HUS1: variants seen among roughly 807,000 people sequenced by gnomAD.
HUS1 encodes checkpoint protein HUS1.
Under a neutral mutation model 32.6 loss-of-function variants are expected in HUS1, and 31 were observed. The observed-to-expected ratio is 0.95, with a 90% confidence interval of 0.72 to 1.28. HUS1 has a LOEUF of 1.28. Among genes scored for constraint, HUS1 ranks in the 50% most tolerant of loss-of-function variants. HUS1 has a pLI of 0.00. For synonymous variants in HUS1, 123 were observed against 116.6 expected (o/e 1.06, Z -0.36); for missense variants, 340 against 337.7 (o/e 1.01, Z -0.05).
In HUS1 at chr7:47,963,873, C is replaced by G. The variant is rs1272381682; in HGVS notation, c.*1483G>C. ...GTAAGCCAAGATCGCGCCACTAGCA[C>G]TCCAGACTGGCGACAGAGTGAGACT... is the stretch of plus-strand genomic sequence containing the variant. On this transcript the variant is annotated 3_prime_UTR_variant, in exon 8 of 8. Coordinates refer to ENST00000258774, the MANE Select transcript of HUS1 (RefSeq NM_004507.4). The G allele has an allele frequency of 6.6e-6, 1 of 151,754 alleles. No individual in the cohort carries two copies. Among genetic ancestry groups the G allele is most frequent in the East Asian group, 1.9e-4 (1 of 5,184 alleles). 9.4% of individuals were successfully genotyped at this position (151,754 alleles called of 1,614,324 possible). A position where few individuals can be genotyped will look rare whatever the true frequency, so the allele number is the denominator to read the frequency against.
At chr7:47,974,650 G>T (rs1279323388) in intron 5 of HUS1, among the ~76,000 whole-genome samples, 1 of 152,114 alleles carries the variant, frequency 6.6e-6, no homozygotes, top group Non-Finnish European at 1.5e-5. Flanking sequence ...ACATAACCAA[G>T]GGTGTTTTTT....
intron 5 of HUS1, chr7:47,971,362 G>C (rs998405850): frequency 1.0e-5 from 4 of 386,046 alleles, no homozygotes; most frequent in Non-Finnish European, 2.1e-5. Context: ...CAGGCTACCA[G>C]ACTTCTGCCA....
At chr7:47,979,301 C>T in intron 1 of HUS1, 167 bp downstream of exon 1, 1 of 282,482 alleles carries the variant, frequency 3.5e-6, no homozygotes, top group South Asian at 2.8e-5. Flanking sequence ...CCCGCGCCCT[C>T]CCGGCCCCAC....
chr7:47,970,506 A>G (rs1788577138), intron 5 of HUS1, among the ~76,000 whole-genome samples: 1 of 152,164 alleles, frequency 6.6e-6, no homozygotes, highest in Non-Finnish European at 1.5e-5. Flanking sequence ...AAACAGAAAC[A>G]AAGAGTTAAA....
intron 4 of HUS1, 83 bp downstream of exon 4, chr7:47,976,647 C>T (rs1562590555): frequency 4.9e-6 from 4 of 813,194 alleles, no homozygotes; most frequent in Non-Finnish European, 6.5e-6. Context: ...ATAAAATATA[C>T]TGCAAGACTA....
chr7:47,972,274 A>G (rs1216429459), intron 5 of HUS1, among the ~76,000 whole-genome samples: 1 of 151,942 alleles, frequency 6.6e-6, no homozygotes, highest in African/African-American at 2.4e-5. Flanking sequence ...TAAATAAATA[A>G]ATACTTATTT....
chr7:47,972,214 A>C (rs1333119334), intron 5 of HUS1, among the ~76,000 whole-genome samples: 1 of 152,248 alleles, frequency 6.6e-6, no homozygotes, highest in Non-Finnish European at 1.5e-5. Flanking sequence ...ACAACCACAC[A>C]CCCAAGATCT....
In HUS1 at chr7:47,967,802, T is replaced by TCA. The variant is rs1327001791; in HGVS notation, c.760+2_760+3dup. 1 of 1,609,424 alleles carries TCA rather than the reference T, an allele frequency of 6.2e-7. No individual in the cohort carries two copies. Among genetic ancestry groups the TCA allele is most frequent in the Non-Finnish European group, 8.5e-7 (1 of 1,177,948 alleles). On this transcript the variant is annotated splice_donor_region_variant and intron_variant, in intron 7 of 7. Transcript: ENST00000258774. ...TGAAAAACAAAACAGAGAAGCACAC[T>TCA]CACTGCATAAGGCCTTTGTGGGATT...
At chr7:47,970,930 T>TA (rs1788586250) in intron 5 of HUS1, among the ~76,000 whole-genome samples, 1 of 152,222 alleles carries the variant, frequency 6.6e-6, no homozygotes, top group Non-Finnish European at 1.5e-5. Flanking sequence ...AGTGATATGC[T>TA]AGAGAATAGG....
intron 5 of HUS1, among the ~76,000 whole-genome samples, chr7:47,972,649 T>C (rs1055936064): frequency 8.0e-6 from 1 of 124,970 alleles, no homozygotes; most frequent in Non-Finnish European, 1.8e-5. Context: ...AAATTATCTC[T>C]AAATTTTTAA....
Position 47,963,530 on chromosome 7 carries a change from A to G in HUS1, c.*1826T>C, listed in dbSNP as rs956916740. ...TGCAGCTGGAATTAATTTCGTTACA[A>G]TGAGAGGAGGAAGGGTTTAAAAATT... On this transcript the variant is annotated 3_prime_UTR_variant, in exon 8 of 8. Coordinates refer to ENST00000258774, the MANE Select transcript of HUS1 (RefSeq NM_004507.4). The G allele has an allele frequency of 6.6e-6, 1 of 152,204 alleles. No homozygotes were observed. The highest frequency in any genetic ancestry group is 2.4e-5 in the African/African-American group (1 of 41,442). 9.4% of individuals were successfully genotyped at this position (152,204 alleles called of 1,614,324 possible). A position where few individuals can be genotyped will look rare whatever the true frequency, so the allele number is the denominator to read the frequency against.
intron 5 of HUS1, chr7:47,971,487 A>C (rs1040284761): frequency 1.8e-5 from 8 of 456,582 alleles, no homozygotes; most frequent in Admixed American, 2.3e-5. Flanking sequence ...CCACCCCAAC[A>C]ACCAATCAGT....
intron 7 of HUS1, among the ~76,000 whole-genome samples, chr7:47,967,306 G>C (rs1788498399): frequency 6.6e-6 from 1 of 152,162 alleles, no homozygotes; most frequent in African/African-American, 2.4e-5. Context: ...GGCCCAGCCA[G>C]AATCAAGAGG....
rs199643634 is a variant in HUS1 at position 47,968,763 on chromosome 7, G to GT, written c.640+455dup. On this transcript the variant is annotated intron_variant, in intron 6 of 7. Transcript: ENST00000258774. ...TGACTCTATCGTCCCTTATTACCTT[G>GT]TATGAGATAAGAAATGTGATCAAGT... is the stretch of plus-strand genomic sequence containing the variant. 34 of 157,968 alleles carry GT rather than the reference G, an allele frequency of 2.2e-4. No individual in the cohort carries two copies. In the East Asian group the frequency reaches 6.1e-3, roughly 28 times the overall value. The allele number at this position is 157,968 out of a possible 1,614,324, so 9.8% of individuals were successfully genotyped here. A position where few individuals can be genotyped will look rare whatever the true frequency, so the allele number is the denominator to read the frequency against.
In HUS1 at chr7:47,975,605, T is replaced by A; in HGVS notation, c.540+8A>T. 6.3e-7 allele frequency: 1 copy of A among 1,578,376 alleles called. No individual in the cohort carries two copies. Reference sequence around the variant, plus strand: ...TCAGAGTTCTTTTCTAAAGAAGTTGTGACTTACAAGGTGATTGCTGATGTT... The same window carrying A: ...TCAGAGTTCTTTTCTAAAGAAGTTGAGACTTACAAGGTGATTGCTGATGTT... On this transcript the variant is annotated splice_region_variant and intron_variant, in intron 5 of 7. Coordinates refer to ENST00000258774, the MANE Select transcript of HUS1 (RefSeq NM_004507.4).
intron 4 of HUS1, 189 bp downstream of exon 4, chr7:47,976,541 G>A: frequency 1.6e-6 from 1 of 622,686 alleles, no homozygotes; most frequent in Non-Finnish European, 3.0e-6. Flanking sequence ...CATATAGGAT[G>A]GCATGACATT....
intron 6 of HUS1, 171 bp downstream of exon 6, chr7:47,969,048 C>T (rs1788539578): frequency 7.3e-6 from 4 of 546,270 alleles, no homozygotes; most frequent in Non-Finnish European, 1.3e-5. Context: ...GGCTAACTGC[C>T]CCACTACACC....
chr7:47,969,208 A>G lies in HUS1; in HGVS notation c.640+11T>C, dbSNP rs768826063. On this transcript the variant is annotated intron_variant, in intron 6 of 7. Transcript: ENST00000258774. ...TATCCAAAGCAAAATATAACCCACT[A>G]GAAAACTTACCTAATGGAGGATTTC... The G allele has an allele frequency of 3.6e-6, 5 of 1,392,524 alleles. No homozygotes were observed. The highest frequency in any genetic ancestry group is 4.0e-6 in the Non-Finnish European group (4 of 992,620). The allele number at this position is 1,392,524 out of a possible 1,614,324, so 86.3% of individuals were successfully genotyped here.
intron 7 of HUS1, among the ~76,000 whole-genome samples, chr7:47,967,395 G>C (rs537198757): frequency 6.6e-6 from 1 of 152,316 alleles, no homozygotes; most frequent in East Asian, 1.9e-4. Context: ...AAGGAAACAA[G>C]ACATCACAAG....
Sources: allele counts gnomAD v4.1 joint callset (sites outside exome capture counted in the v4.1 genomes callset), GRCh38; gene constraint gnomAD v4.1.1; transcripts MANE v1.5; gene names NCBI Gene and HGNC (gene_info 2026-07-23, HGNC 2026-07-21).